LRRC4C: variants seen among roughly 807,000 people sequenced by gnomAD.
The protein encoded by LRRC4C is leucine rich repeat containing 4C, also known as leucine-rich repeat-containing protein 4C.
LRRC4C carries 5 observed loss-of-function variants against 33.6 expected under a neutral mutation model. That is an observed-to-expected ratio of 0.15 (90% CI 0.08 to 0.31). The LOEUF is 0.31. Among genes scored for constraint, LRRC4C ranks in the 10% least tolerant of loss-of-function variants. The pLI is 1.00. For synonymous variants in LRRC4C, 329 were observed against 302.0 expected, an observed-to-expected ratio of 1.09 and a Z score of -0.93; for missense variants, 560 against 796.7, an observed-to-expected ratio of 0.70 and a Z score of 3.58.
At chr11:40,726,008 A>G (rs1342994210) in intron 2 of LRRC4C, among the ~76,000 whole-genome samples, 1 of 152,206 alleles carries the variant, frequency 6.6e-6, no homozygotes, top group African/African-American at 2.4e-5. Flanking sequence ...ATTATTAGGA[A>G]AACTTCTATA....
intron 2 of LRRC4C, among the ~76,000 whole-genome samples, chr11:40,659,721 C>T (rs1278473858): frequency 6.6e-6 from 1 of 152,174 alleles, no homozygotes; most frequent in African/African-American, 2.4e-5. Context: ...TGGACATTCT[C>T]AGGACGACCT....
intron 2 of LRRC4C, among the ~76,000 whole-genome samples, chr11:40,915,729 C>A (rs905338447): frequency 5.3e-5 from 8 of 152,096 alleles, no homozygotes; most frequent in Non-Finnish European, 1.2e-4. Context: ...TTCTTCACAG[C>A]AAAAGAAACT....
intron 2 of LRRC4C, among the ~76,000 whole-genome samples, chr11:40,733,061 G>GTTTTTTTTTTTTTTTTTTTTTTTTTTTTT: frequency 1.7e-5 from 1 of 57,602 alleles, no homozygotes; most frequent in Non-Finnish European, 3.0e-5. Context: ...TATGAATATA[G>GTTTTTTTTTTTTTTTTTTTTTTTTTTTTT]TTTTTTTTTT....
chr11:40,620,339 G>A (rs1363629249), intron 3 of LRRC4C, among the ~76,000 whole-genome samples: 1 of 151,728 alleles, frequency 6.6e-6, no homozygotes, highest in African/African-American at 2.4e-5. Flanking sequence ...AACAGAACAA[G>A]GAGTCTTGGG....
intron 2 of LRRC4C, among the ~76,000 whole-genome samples, chr11:40,713,336 C>T (rs1946556430): frequency 6.6e-6 from 1 of 152,136 alleles, no homozygotes; most frequent in Non-Finnish European, 1.5e-5. Flanking sequence ...TGAGCATGCC[C>T]TTTAGAAAAT....
At chr11:40,760,925 A>T (rs1004814880) in intron 2 of LRRC4C, among the ~76,000 whole-genome samples, 1 of 149,182 alleles carries the variant, frequency 6.7e-6, no homozygotes, top group South Asian at 2.1e-4. Flanking sequence ...TTGTAAAGAC[A>T]GAGTTTCTGG....
At chr11:41,005,819 G>A (rs1181032137) in intron 1 of LRRC4C, among the ~76,000 whole-genome samples, 2 of 152,112 alleles carry the variant, frequency 1.3e-5, no homozygotes, top group African/African-American at 4.8e-5. Flanking sequence ...AAATTGCCCA[G>A]TCTCAAGTAT....
At chr11:41,093,284 G>T (rs527320967) in intron 1 of LRRC4C, among the ~76,000 whole-genome samples, 80 of 152,296 alleles carry the variant, frequency 5.3e-4, no homozygotes, top group African/African-American at 1.9e-3. Context: ...TACACTGATT[G>T]TTCATCAGCA....
intron 2 of LRRC4C, among the ~76,000 whole-genome samples, chr11:40,802,657 T>C (rs540705333): frequency 1.3e-5 from 2 of 152,140 alleles, no homozygotes; most frequent in East Asian, 3.9e-4. Flanking sequence ...GAATAAACAT[T>C]TCAGAATAGA....
At chr11:40,125,402 T>A (rs1856145075) in intron 6 of LRRC4C, among the ~76,000 whole-genome samples, 2 of 152,192 alleles carry the variant, frequency 1.3e-5, no homozygotes, top group African/African-American at 2.4e-5. Flanking sequence ...ATCTTTGATA[T>A]TTGTGATAAG....
At chr11:40,843,559 G>A (rs969872736) in intron 2 of LRRC4C, among the ~76,000 whole-genome samples, 3 of 152,012 alleles carry the variant, frequency 2.0e-5, no homozygotes, top group Admixed American at 6.6e-5. Flanking sequence ...CCAATTGAAG[G>A]GCAGAGAGCT....
intron 1 of LRRC4C, among the ~76,000 whole-genome samples, chr11:41,110,794 G>GT (rs1388431778): frequency 2.0e-5 from 3 of 151,950 alleles, no homozygotes; most frequent in Admixed American, 2.0e-4. Flanking sequence ...ACAACTGGGT[G>GT]TTTTTTTAAG....
chr11:40,560,042 TA>T (rs1391748832), intron 3 of LRRC4C, among the ~76,000 whole-genome samples: 3 of 152,178 alleles, frequency 2.0e-5, no homozygotes, highest in Non-Finnish European at 4.4e-5. Flanking sequence ...CATCCCCAGT[TA>T]AGAGCCCATT....
At chr11:41,249,372 C>A (rs1263841698) in intron 1 of LRRC4C, among the ~76,000 whole-genome samples, 1 of 152,172 alleles carries the variant, frequency 6.6e-6, no homozygotes, top group Non-Finnish European at 1.5e-5. Context: ...TTGCAAGAGA[C>A]TTCTAACCAT....
intron 2 of LRRC4C, among the ~76,000 whole-genome samples, chr11:40,842,571 G>A (rs1017428904): frequency 2.0e-5 from 3 of 151,886 alleles, no homozygotes; most frequent in South Asian, 2.1e-4. Flanking sequence ...TACTCTTTTA[G>A]CAAGTTTCAA....
At chr11:40,595,504 C>A (rs1565541710) in intron 3 of LRRC4C, among the ~76,000 whole-genome samples, 1 of 152,020 alleles carries the variant, frequency 6.6e-6, no homozygotes, top group East Asian at 1.9e-4. Flanking sequence ...ACACATTTCT[C>A]CTTCTTCTTC....
chr11:41,336,099 A>G (rs1273782749), intron 1 of LRRC4C, among the ~76,000 whole-genome samples: 1 of 152,192 alleles, frequency 6.6e-6, no homozygotes, highest in Non-Finnish European at 1.5e-5. Flanking sequence ...TTGTGCAAAC[A>G]TGACTATACA....
intron 2 of LRRC4C, among the ~76,000 whole-genome samples, chr11:40,656,027 T>C (rs1458119271): frequency 6.6e-6 from 1 of 152,092 alleles, no homozygotes; most frequent in Non-Finnish European, 1.5e-5. Flanking sequence ...ACACCCATGA[T>C]CAAATCACCT....
chr11:40,646,670 T>C (rs1942480579), intron 3 of LRRC4C, among the ~76,000 whole-genome samples: 1 of 152,178 alleles, frequency 6.6e-6, no homozygotes, highest in Non-Finnish European at 1.5e-5. Context: ...GCAGTGGCAC[T>C]ATCTCGGCTC....
Sources: allele counts gnomAD v4.1 joint callset (sites outside exome capture counted in the v4.1 genomes callset), GRCh38; gene constraint gnomAD v4.1.1; transcripts MANE v1.5; gene names NCBI Gene and HGNC (gene_info 2026-07-23, HGNC 2026-07-21).